Variants in RFC3 observed in about 807,000 individuals in gnomAD.
The protein encoded by RFC3 is replication factor C subunit 3.
RFC3 carries 41 observed loss-of-function variants against 45.1 expected under a neutral mutation model. The ratio of observed to expected loss-of-function variants is 0.91; its 90% CI spans 0.71 to 1.18. The LOEUF is 1.18. RFC3 is among the 50% of genes most tolerant of loss of function. RFC3 has a pLI of 0.00. For missense variants in RFC3, 423 were observed against 428.1 expected (o/e 0.99, Z 0.10); for synonymous variants, 149 against 144.0 (o/e 1.03, Z -0.25).
chr13:33,846,498 T>C (rs1307257956), intron 8 of RFC3: 2 of 152,140 alleles, frequency 1.3e-5, no homozygotes, highest in African/African-American at 2.4e-5. Context: ...AAAGTCCTCT[T>C]TACTCTTCCC....
In RFC3 at chr13:33,879,452, C is replaced by T. The variant is rs976636960; in HGVS notation, c.879+44235C>T. The stretch of plus-strand genomic sequence containing the variant: ...GCTCAAGACCTGCTCTCTGCCTCTG[C>T]AAACCTTTCTTCCATTCACTCCCAC... On this transcript the variant is annotated intron_variant, in intron 8 of 8. Coordinates refer to the RFC3 transcript ENST00000434425. Among the ~76,000 whole-genome samples, 18 of 152,088 alleles carry T rather than the reference C, an allele frequency of 1.2e-4. 1 individual carries two copies. The highest frequency in any genetic ancestry group is 1.2e-3 in the Admixed American group (18 of 15,262).
intron 8 of RFC3, among the ~76,000 whole-genome samples, chr13:33,958,130 A>G (rs1417368668): frequency 1.3e-5 from 2 of 152,150 alleles, no homozygotes; most frequent in African/African-American, 4.8e-5. Context: ...TCAGAGAGGG[A>G]CTCTTTGAGG....
downstream of RFC3, among the ~76,000 whole-genome samples, chr13:33,839,929 C>G (rs567731930): frequency 6.6e-6 from 1 of 152,108 alleles, no homozygotes; most frequent in South Asian, 2.1e-4. Context: ...AGTTTTTCTT[C>G]CCCATCTGTG....
chr13:33,895,196 A>G (rs1417106725), intron 8 of RFC3, among the ~76,000 whole-genome samples: 1 of 152,218 alleles, frequency 6.6e-6, no homozygotes, highest in Admixed American at 6.5e-5. Context: ...ATAAATAATC[A>G]TCAAAGTAAA....
chr13:33,833,807 A>G (rs1409966092), intron 7 of RFC3, among the ~76,000 whole-genome samples: 3 of 152,190 alleles, frequency 2.0e-5, no homozygotes, highest in Non-Finnish European at 1.5e-5. Flanking sequence ...CCTGAATTCA[A>G]ATGCTGGCTC....
chr13:33,833,343 A>G (rs1172661181), intron 7 of RFC3, among the ~76,000 whole-genome samples: 1 of 152,048 alleles, frequency 6.6e-6, no homozygotes, highest in Admixed American at 6.6e-5. Flanking sequence ...TAACACACCT[A>G]TGAGAAAAAT....
chr13:33,899,761 G>A (rs989057285), intron 8 of RFC3, among the ~76,000 whole-genome samples: 2 of 151,858 alleles, frequency 1.3e-5, no homozygotes, highest in African/African-American at 4.8e-5. Context: ...CAGATGACAT[G>A]ACCTTATACT....
At chr13:33,894,585 G>A (rs1415892660) in intron 8 of RFC3, among the ~76,000 whole-genome samples, 2 of 152,128 alleles carry the variant, frequency 1.3e-5, no homozygotes, top group Non-Finnish European at 2.9e-5. Context: ...GGCTGACTGG[G>A]AGGAGTGTGG....
intron 8 of RFC3, among the ~76,000 whole-genome samples, chr13:33,878,545 T>C (rs1036804608): frequency 9.9e-5 from 15 of 152,058 alleles, no homozygotes; most frequent in Admixed American, 7.9e-4. Context: ...GGAGCAGGTA[T>C]GGGGTAGAAA....
At chr13:33,935,963 C>T (rs1411452881) in intron 8 of RFC3, among the ~76,000 whole-genome samples, 1 of 152,144 alleles carries the variant, frequency 6.6e-6, no homozygotes, top group Admixed American at 6.5e-5. Context: ...GGGCAGGTCC[C>T]CTGAATGACA....
chr13:33,927,954 C>T (rs1302783055), intron 8 of RFC3, among the ~76,000 whole-genome samples: 1 of 152,098 alleles, frequency 6.6e-6, no homozygotes, highest in Non-Finnish European at 1.5e-5. Context: ...AGCTAACATT[C>T]TCATAACATC....
intron 8 of RFC3, among the ~76,000 whole-genome samples, chr13:33,938,951 C>G (rs1372344672): frequency 1.3e-5 from 2 of 152,024 alleles, no homozygotes; most frequent in Non-Finnish European, 2.9e-5. Flanking sequence ...TTCTTTTTAA[C>G]CACTCTGGTG....
chr13:33,819,185 C>T (rs1336523401), intron 1 of RFC3, among the ~76,000 whole-genome samples: 1 of 152,170 alleles, frequency 6.6e-6, no homozygotes, highest in African/African-American at 2.4e-5. Flanking sequence ...GGCCACCGTG[C>T]GTGGCTGAGA....
chr13:33,952,796 C>T lies in RFC3; in HGVS notation c.880-13291C>T, dbSNP rs2082998678. Among the ~76,000 whole-genome samples, 4 of 152,192 alleles carry T rather than the reference C, an allele frequency of 2.6e-5. No homozygotes were observed. The South Asian group carries it at 8.3e-4, about 32-fold the overall frequency. Reference sequence around the variant, plus strand: ...AATCATGAGGGACAGGATTTCACTCCTCCCAAAGTATCCTCCTAGGCAAAT... The same window carrying T: ...AATCATGAGGGACAGGATTTCACTCTTCCCAAAGTATCCTCCTAGGCAAAT... On this transcript the variant is annotated intron_variant, in intron 8 of 8. Coordinates refer to the RFC3 transcript ENST00000434425.
intron 7 of RFC3, 151 bp downstream of exon 7, chr13:33,831,505 G>C: frequency 2.1e-6 from 1 of 466,970 alleles, no homozygotes; most frequent in South Asian, 2.6e-5. Context: ...TTTAACTTCA[G>C]AAATTTAGTG....
intron 8 of RFC3, among the ~76,000 whole-genome samples, chr13:33,894,415 T>C (rs2082584015): frequency 6.6e-6 from 1 of 152,178 alleles, no homozygotes; most frequent in Non-Finnish European, 1.5e-5. Context: ...CTCGTGGAAG[T>C]CTGCCAGCTA....
exon 9 of RFC3, chr13:33,966,267 T>G (rs890807642): frequency 2.4e-5 from 17 of 694,036 alleles, no homozygotes; most frequent in Non-Finnish European, 3.9e-5. Context: ...CTGAATGTTA[T>G]TTCCTGAGAA....
At chr13:33,848,889 C>G (rs1468266516) in intron 8 of RFC3, 1 of 152,196 alleles carries the variant, frequency 6.6e-6, no homozygotes, top group Non-Finnish European at 1.5e-5. Context: ...CCACTAAGGG[C>G]AACTTCTATC....
At chr13:33,863,237 C>A (rs1181839659) in intron 8 of RFC3, among the ~76,000 whole-genome samples, 2 of 151,872 alleles carry the variant, frequency 1.3e-5, no homozygotes, top group South Asian at 2.1e-4. Context: ...ATACACAATG[C>A]ACATATGCAG....
Sources: allele counts gnomAD v4.1 joint callset (sites outside exome capture counted in the v4.1 genomes callset), GRCh38; gene constraint gnomAD v4.1.1; transcripts MANE v1.5; gene names NCBI Gene and HGNC (gene_info 2026-07-23, HGNC 2026-07-21).